Variants in CDH13 observed in about 807,000 individuals in gnomAD.
CDH13 encodes cadherin-13.
In CDH13, 24 loss-of-function variants were observed where a neutral mutation model predicts 63.8. That is an observed-to-expected ratio of 0.38 (90% CI 0.27 to 0.53). The LOEUF (loss-of-function observed/expected upper bound fraction) is 0.53, where lower values mean the gene tolerates loss of function less well. Ranked by LOEUF, CDH13 falls within the 20% of genes least tolerant of loss-of-function variation. CDH13 has a pLI of 0.85. For missense variants in CDH13, 1,049 were observed against 903.1 expected, an observed-to-expected ratio of 1.16 and a Z score of -2.07; for synonymous variants, 503 against 355.3, an observed-to-expected ratio of 1.42 and a Z score of -4.67.
At chr16:83,467,662 A>G (rs573237482) in intron 6 of CDH13, among the ~76,000 whole-genome samples, 4 of 152,266 alleles carry the variant, frequency 2.6e-5, no homozygotes, top group Non-Finnish European at 5.9e-5. Context: ...TTTGGACCCA[A>G]TGCTGTTCCT....
intron 2 of CDH13, among the ~76,000 whole-genome samples, chr16:82,933,830 A>T (rs1302503290): frequency 4.6e-5 from 7 of 152,228 alleles, no homozygotes; most frequent in Admixed American, 6.5e-5. Flanking sequence ...GCTCCAAAAT[A>T]ATCTCCTTTG....
At chr16:83,240,974 A>G (rs1904387538) in intron 5 of CDH13, among the ~76,000 whole-genome samples, 3 of 152,082 alleles carry the variant, frequency 2.0e-5, no homozygotes, top group Non-Finnish European at 4.4e-5. Context: ...TACCCATTAA[A>G]CACTAATTCT....
At chr16:83,599,814 T>C (rs1371722519) in intron 7 of CDH13, among the ~76,000 whole-genome samples, 3 of 152,138 alleles carry the variant, frequency 2.0e-5, no homozygotes, top group Non-Finnish European at 2.9e-5. Context: ...CTTTCAAAAA[T>C]AAGTAACAAT....
chr16:82,764,557 G>A (rs1297145567), intron 1 of CDH13, among the ~76,000 whole-genome samples: 1 of 152,102 alleles, frequency 6.6e-6, no homozygotes, highest in African/African-American at 2.4e-5. Context: ...AAAATATGAG[G>A]TATAATTTGT....
chr16:82,730,621 G>A (rs895205976), intron 1 of CDH13, among the ~76,000 whole-genome samples: 3 of 152,210 alleles, frequency 2.0e-5, no homozygotes, highest in Non-Finnish European at 4.4e-5. Context: ...AGACCAAAAT[G>A]TGACACAGAC....
intron 2 of CDH13, among the ~76,000 whole-genome samples, chr16:82,908,054 A>G (rs1249652700): frequency 1.3e-5 from 2 of 152,080 alleles, no homozygotes; most frequent in Non-Finnish European, 2.9e-5. Context: ...TAAATAATAT[A>G]TCTGTTGGAT....
intron 3 of CDH13, among the ~76,000 whole-genome samples, chr16:83,075,051 A>G (rs1432764471): frequency 3.9e-5 from 6 of 152,164 alleles, no homozygotes; most frequent in Admixed American, 3.3e-4. Context: ...CTGTAGATAA[A>G]CATCCTTGGG....
At chr16:82,785,188 G>A (rs374091526) in intron 1 of CDH13, among the ~76,000 whole-genome samples, 1 of 152,130 alleles carries the variant, frequency 6.6e-6, no homozygotes, top group Non-Finnish European at 1.5e-5. Context: ...AAGATAGATT[G>A]TTGAAATAGG....
At chr16:83,108,546 G>T (rs13337369) in intron 3 of CDH13, among the ~76,000 whole-genome samples, 156 of 152,284 alleles carry the variant, frequency 1.0e-3, no homozygotes, top group African/African-American at 3.4e-3. Flanking sequence ...ACTGCAAAGG[G>T]CACAAACTTC....
At chr16:83,543,000 G>T (rs2075321737) in intron 7 of CDH13, among the ~76,000 whole-genome samples, 1 of 152,186 alleles carries the variant, frequency 6.6e-6, no homozygotes, top group Admixed American at 6.5e-5. Flanking sequence ...TGATGCTGCT[G>T]GTCTAGCAAC....
chr16:83,162,459 G>A (rs1030936489), intron 4 of CDH13, among the ~76,000 whole-genome samples: 3 of 152,122 alleles, frequency 2.0e-5, no homozygotes, highest in Admixed American at 1.3e-4. Context: ...CCAAGAATAC[G>A]TAGCAAGTAA....
intron 5 of CDH13, among the ~76,000 whole-genome samples, chr16:83,337,449 G>T (rs1394481586): frequency 6.6e-6 from 1 of 151,958 alleles, no homozygotes; most frequent in East Asian, 1.9e-4. Context: ...TAACAACCTA[G>T]TGCCCATCTA....
At chr16:83,277,442 C>G (rs1257118319) in intron 5 of CDH13, among the ~76,000 whole-genome samples, 2 of 152,194 alleles carry the variant, frequency 1.3e-5, no homozygotes, top group Non-Finnish European at 1.5e-5. Flanking sequence ...TAACAGATTC[C>G]TAGGTACAAT....
intron 2 of CDH13, among the ~76,000 whole-genome samples, chr16:83,028,395 G>A (rs537400975): frequency 6.6e-6 from 1 of 152,200 alleles, no homozygotes; most frequent in Non-Finnish European, 1.5e-5. Context: ...TGGCTCTAAA[G>A]CTGACTTAAC....
At chr16:83,459,561 C>G (rs1450655164) in intron 6 of CDH13, among the ~76,000 whole-genome samples, 1 of 152,196 alleles carries the variant, frequency 6.6e-6, no homozygotes, top group Non-Finnish European at 1.5e-5. Context: ...ACTAATTAAA[C>G]TTTGCAATTT....
At chr16:83,311,184 G>A (rs914286435) in intron 5 of CDH13, among the ~76,000 whole-genome samples, 1 of 152,176 alleles carries the variant, frequency 6.6e-6, no homozygotes, top group African/African-American at 2.4e-5. Flanking sequence ...ATATGAATCA[G>A]TAGAGCTTAA....
intron 10 of CDH13, among the ~76,000 whole-genome samples, chr16:83,714,880 C>T (rs144027712): frequency 6.6e-6 from 1 of 152,152 alleles, no homozygotes; most frequent in Admixed American, 6.5e-5. Context: ...ACGGTTTTGC[C>T]AACTACCTTT....
At chr16:83,654,873 C>T (rs1206914062) in intron 8 of CDH13, 1 of 152,164 alleles carries the variant, frequency 6.6e-6, no homozygotes, top group Non-Finnish European at 1.5e-5. Context: ...CCAGGTGGCT[C>T]AAAACTGTGG....
intron 3 of CDH13, among the ~76,000 whole-genome samples, chr16:83,050,229 G>C (rs941096556): frequency 6.6e-6 from 1 of 152,020 alleles, no homozygotes; most frequent in Non-Finnish European, 1.5e-5. Flanking sequence ...CTTGCTTTTG[G>C]GTTTATACCT....
Sources: gnomAD v4.1 joint callset for allele counts (sites outside exome capture counted in the v4.1 genomes callset) on GRCh38, gnomAD v4.1.1 for gene constraint, MANE v1.5 for transcripts, NCBI Gene and HGNC (gene_info 2026-07-23, HGNC 2026-07-21) for gene names.